ISLR2: variants seen among roughly 807,000 people sequenced by gnomAD.
The protein encoded by ISLR2 is immunoglobulin superfamily containing leucine rich repeat 2.
Under a neutral mutation model 25.5 loss-of-function variants are expected in ISLR2, and 16 were observed. The observed-to-expected ratio is 0.63, with a 90% CI of 0.43 to 0.95. The LOEUF (loss-of-function observed/expected upper bound fraction) is 0.95. Among genes scored for constraint, ISLR2 ranks in the 40% least tolerant of loss-of-function variants. The pLI is 0.00. For synonymous variants in ISLR2, 508 were observed against 486.6 expected, an observed-to-expected ratio of 1.04 and a Z score of -0.58; for missense variants, 883 against 1,030.7, an observed-to-expected ratio of 0.86 and a Z score of 1.96.
chr15:74,139,265 A>G (rs2072597911), downstream of ISLR2, among the ~76,000 whole-genome samples: 1 of 152,224 alleles, frequency 6.6e-6, no homozygotes, highest in Admixed American at 6.5e-5. Flanking sequence ...CCAACTGCCC[A>G]CTGAAATCCC....
chr15:74,120,598 C>T (rs554424191), intron 2 of ISLR2, among the ~76,000 whole-genome samples: 6 of 150,964 alleles, frequency 4.0e-5, no homozygotes, highest in East Asian at 1.9e-4. Context: ...GCTGGGTTTA[C>T]GGTGGTGCAC....
In ISLR2 at chr15:74,134,940, C is replaced by T; in HGVS notation, c.2186C>T (p.Ala729Val). 1.2e-6 allele frequency: 2 copies of T among 1,613,982 alleles called. No individual in the cohort carries two copies. Among genetic ancestry groups the T allele is most frequent in the Non-Finnish European group, 1.7e-6 (2 of 1,180,034 alleles). ...YSDRLPLGAE[A>V]VNIAQEINGN... is the part of the protein sequence containing the mutation. ...GATCGGCTGCCCCTGGGCGCCGAGG[C>T]GGTCAACATCGCCCAGGAGATTAAT... The change falls in exon 3 of 3, where the codon GCG becomes GTG. Residue 729 changes from alanine to valine, a missense_variant. Coordinates refer to ENST00000453268, the MANE Select transcript of ISLR2 (RefSeq NM_020851.3).
chr15:74,135,287 C>T lies in ISLR2; in HGVS notation c.*295C>T, dbSNP rs563166736. The T allele has an allele frequency of 1.7e-4, 61 of 368,462 alleles. No individual in the cohort carries two copies. The highest frequency in any genetic ancestry group is 1.1e-3 in the African/African-American group (57 of 49,712). 22.8% of individuals were successfully genotyped at this position (368,462 alleles called of 1,614,324 possible). ...CGCAGACGGTGGGCGATATCTATGT[C>T]CCTCCATTCCCGTCGCGATTATCTG... is the stretch of plus-strand genomic sequence containing the variant. On this transcript the variant is annotated 3_prime_UTR_variant, in exon 3 of 3. Coordinates refer to ENST00000453268, the MANE Select transcript of ISLR2 (RefSeq NM_020851.3).
At position 74,135,626 on chromosome 15, in the gene ISLR2, C is replaced by CT. The variant is rs1290534035; in HGVS notation, c.*635dup. On this transcript the variant is annotated 3_prime_UTR_variant, in exon 3 of 3. Coordinates refer to ENST00000453268, the MANE Select transcript of ISLR2 (RefSeq NM_020851.3). ...AAGCGATTCTCCTGCCTCAGCCTGC[C>CT]TAGTAGCTGGGACTACAGGCGCGCG... The CT allele has an allele frequency of 6.5e-6, 1 of 153,674 alleles. No homozygotes were observed. The highest frequency in any genetic ancestry group is 1.5e-5 in the Non-Finnish European group (1 of 68,198). 9.5% of individuals were successfully genotyped at this position (153,674 alleles called of 1,614,324 possible). A position where few individuals can be genotyped will look rare whatever the true frequency, so the allele number is the denominator to read the frequency against.
chr15:74,113,446 C>T (rs766703508), intron 2 of ISLR2, among the ~76,000 whole-genome samples: 8 of 152,132 alleles, frequency 5.3e-5, no homozygotes, highest in Non-Finnish European at 1.0e-4. Flanking sequence ...CCACCATGCA[C>T]GGTGCATCTG....
At chr15:74,141,211 A>G (rs1167405964), downstream of ISLR2, among the ~76,000 whole-genome samples, 1 of 152,250 alleles carries the variant, frequency 6.6e-6, no homozygotes, top group Non-Finnish European at 1.5e-5. Flanking sequence ...ACATAGAACA[A>G]GGAGAGAAAA....
At chr15:74,106,034 T>C (rs1443587234) in intron 2 of ISLR2, among the ~76,000 whole-genome samples, 1 of 152,078 alleles carries the variant, frequency 6.6e-6, no homozygotes, top group Non-Finnish European at 1.5e-5. Flanking sequence ...AGATATTTAT[T>C]AAGATTTAAA....
intron 2 of ISLR2, among the ~76,000 whole-genome samples, chr15:74,109,150 C>CT (rs1401488978): frequency 6.6e-6 from 1 of 152,198 alleles, no homozygotes; most frequent in African/African-American, 2.4e-5. Context: ...TATTTTCTGA[C>CT]TTTTTTTCTC....
At chr15:74,101,992 A>G (rs1305767464) in intron 1 of ISLR2, among the ~76,000 whole-genome samples, 1 of 145,238 alleles carries the variant, frequency 6.9e-6, no homozygotes, top group African/African-American at 2.6e-5. Context: ...AGGCAGGCAG[A>G]TCACCTGAGG....
At chr15:74,117,645 T>C (rs2072221097) in intron 2 of ISLR2, among the ~76,000 whole-genome samples, 1 of 152,172 alleles carries the variant, frequency 6.6e-6, no homozygotes, top group Non-Finnish European at 1.5e-5. Context: ...ATTGTGCCAC[T>C]GCACTCCAGA....
upstream of ISLR2, chr15:74,126,232 T>C (rs1376252731): frequency 6.6e-6 from 1 of 152,020 alleles, no homozygotes; most frequent in Non-Finnish European, 1.5e-5. Flanking sequence ...TAATAATGGC[T>C]AATTCAGCTA....
rs565145330 is a variant in ISLR2 at position 74,113,871 on chromosome 15, C to T, written n.228+9957C>T. On this transcript the variant is annotated intron_variant and non_coding_transcript_variant, in intron 2 of 3. Coordinates refer to the ISLR2 transcript ENST00000561975. ...TGAAATCGCTGTTTAGCTCTCAGCT[C>T]CCCATCAGCTGTTCTGTGCTGGGCC... Among the ~76,000 whole-genome samples, 828 of 152,314 alleles carry T rather than the reference C, an allele frequency of 5.4e-3. 6 individuals are homozygous for T. Among genetic ancestry groups the T allele is most frequent in the Middle Eastern group, 0.027 (8 of 294 alleles).
At chr15:74,107,561 G>A (rs1367976210) in intron 2 of ISLR2, among the ~76,000 whole-genome samples, 1 of 152,158 alleles carries the variant, frequency 6.6e-6, no homozygotes, top group Non-Finnish European at 1.5e-5. Flanking sequence ...GGGCACTCCA[G>A]CTCTGCCTGC....
At chr15:74,137,299 TCA>T (rs1291313607), downstream of ISLR2, among the ~76,000 whole-genome samples, 3 of 151,982 alleles carry the variant, frequency 2.0e-5, no homozygotes, top group African/African-American at 4.8e-5. Context: ...ACAAGAGAAG[TCA>T]CAAATAACAC....
chr15:74,104,553 T>C (rs1216294883), intron 2 of ISLR2, among the ~76,000 whole-genome samples: 1 of 152,120 alleles, frequency 6.6e-6, no homozygotes, highest in Non-Finnish European at 1.5e-5. Context: ...GAGGTCACAT[T>C]GGGAGGATCT....
In ISLR2 at chr15:74,132,584, T is replaced by A. The variant is rs976181061; in HGVS notation, c.-8-163T>A. On this transcript the variant is annotated intron_variant, in intron 2 of 2. Transcript: ENST00000453268. The surrounding 1 kb of genome is among the most constrained non-coding windows in gnomAD (Gnocchi z 4.3). ...AGGGAGCATCCGTTGAACCTCGAGA[T>A]TTTTATTGACCTTCACTTCAGAGAG... is the stretch of plus-strand genomic sequence containing the variant. Among the ~76,000 whole-genome samples the A allele has an allele frequency of 2.6e-5, 4 of 152,082 alleles. No individual in the cohort carries two copies. The highest frequency in any genetic ancestry group is 5.9e-5 in the Non-Finnish European group (4 of 68,006).
rs911065861 is a variant in ISLR2, at chr15:74,133,880, G to C, written c.1126G>C (p.Gly376Arg). The change falls in exon 3 of 3, where the codon GGG becomes CGG. Residue 376 changes from glycine (G) to arginine (R), a missense_variant. This residue lies in a region of ISLR2 where 612 missense variants were observed against 642.8 expected (regional missense o/e 0.95). Coordinates refer to ENST00000453268, the MANE Select transcript of ISLR2 (RefSeq NM_020851.3). Reference protein sequence around the residue: ...TSIRVAVAATGPPKHAPGAGG... With the variant: ...TSIRVAVAATRPPKHAPGAGG... ...AATACGCGTGGCGGTGGCAGCAACC[G>C]GGCCCCCAAAACACGCGCCTGGCGC... 6.2e-7 allele frequency: 1 copy of C among 1,610,088 alleles called. No homozygotes were observed. The highest frequency in any genetic ancestry group is 8.5e-7 in the Non-Finnish European group (1 of 1,178,484).
chr15:74,117,954 G>A (rs2072223815), intron 2 of ISLR2, among the ~76,000 whole-genome samples: 2 of 152,124 alleles, frequency 1.3e-5, no homozygotes, highest in Admixed American at 1.3e-4. Flanking sequence ...ATCGATCCCG[G>A]CCTACCAAGG....
chr15:74,134,231 G>A lies in ISLR2; in HGVS notation c.1477G>A (p.Val493Met), dbSNP rs1355448950. The change falls in exon 3 of 3, where the codon GTG becomes ATG. Residue 493 changes from valine (V) to methionine (M), a missense_variant. Around this residue, in one of 2 missense-constraint regions of ISLR2, gnomAD observed 612 missense variants for 642.8 expected, o/e 0.95. Coordinates refer to ENST00000453268, the MANE Select transcript of ISLR2 (RefSeq NM_020851.3). ...CGAGCTGGGCGTCATCGCGCTGGAT[G>A]TGGCGGAGCGCGAGGCGCGGGTGCA... ...VFELGVIALD[V>M]AEREARVQLT... 1 of 1,598,190 alleles carries A rather than the reference G, an allele frequency of 6.3e-7. No homozygotes were observed. The highest frequency in any genetic ancestry group is 8.5e-7 in the Non-Finnish European group (1 of 1,172,688).
Sources: gnomAD v4.1 joint callset for allele counts (sites outside exome capture counted in the v4.1 genomes callset) on GRCh38, gnomAD v4.1.1 for gene constraint, gnomAD v4.1.1 regional missense constraint, Gnocchi (gnomAD v3.1) non-coding constraint, MANE v1.5 for transcripts, NCBI Gene and HGNC (gene_info 2026-07-23, HGNC 2026-07-21) for gene names.